Variants in MAGI1 observed in about 807,000 individuals in gnomAD.
MAGI1 encodes the protein membrane associated guanylate kinase, WW and PDZ domain containing 1, also known as membrane-associated guanylate kinase, WW and PDZ domain-containing protein 1.
In MAGI1, 58 loss-of-function variants were observed where a neutral mutation model predicts 139.9. The observed-to-expected ratio is 0.41, with a 90% confidence interval of 0.34 to 0.52. The LOEUF (loss-of-function observed/expected upper bound fraction) is 0.52, where lower values mean the gene tolerates loss of function less well. MAGI1 is among the 20% of genes least tolerant of loss of function. The pLI is 0.12. For synonymous variants in MAGI1, 812 were observed against 737.9 expected, an observed-to-expected ratio of 1.10 and a Z score of -1.63; for missense variants, 1,874 against 1,901.6, an observed-to-expected ratio of 0.99 and a Z score of 0.27.
At chr3:65,967,529 C>T (rs2064814688) in intron 1 of MAGI1, among the ~76,000 whole-genome samples, 1 of 152,176 alleles carries the variant, frequency 6.6e-6, no homozygotes. Flanking sequence ...CCAACTGGGG[C>T]CAATGGCTGA....
rs79268863 is a variant in MAGI1 at position 65,636,932 on chromosome 3, G to C, written c.314-14844C>G. 7.9e-5 allele frequency among the ~76,000 whole-genome samples: 12 copies of C among 152,250 alleles called. 1 individual carries two copies. Among genetic ancestry groups the C allele is most frequent in the South Asian group, 4.1e-4 (2 of 4,822 alleles). On this transcript the variant is annotated intron_variant, in intron 1 of 22. Transcript: ENST00000402939. ...CAAATCTTATCCCCTCAGCACAAAG[G>C]CTTCAATATACACAAGGTTAAGCCC...
rs543838855 is a variant in MAGI1 at position 65,811,218 on chromosome 3, G to C, written c.314-189130C>G. The stretch of plus-strand genomic sequence containing the variant: ...ATCTTGGCTCTTCAACATTTGAAGA[G>C]CACCTATTGTGATAGCAACGTCTTA... On this transcript the variant is annotated intron_variant, in intron 1 of 22. Transcript: ENST00000402939. Among the ~76,000 whole-genome samples, 18 of 152,300 alleles carry C rather than the reference G, an allele frequency of 1.2e-4. No homozygotes were observed. In the East Asian group the frequency reaches 3.5e-3, roughly 29 times the overall value.
intron 4 of MAGI1, among the ~76,000 whole-genome samples, chr3:65,476,306 T>C (rs1385701577): frequency 6.6e-6 from 1 of 152,172 alleles, no homozygotes; most frequent in Non-Finnish European, 1.5e-5. Flanking sequence ...TTTTCCTCAG[T>C]GCACCCTATT....
At chr3:65,518,757 G>A (rs916894198) in intron 2 of MAGI1, among the ~76,000 whole-genome samples, 2 of 140,202 alleles carry the variant, frequency 1.4e-5, no homozygotes, top group African/African-American at 5.0e-5. Context: ...TGTTGAAGAC[G>A]GTAGATGCAG....
At chr3:65,806,632 C>G (rs1429171569) in intron 1 of MAGI1, among the ~76,000 whole-genome samples, 1 of 152,192 alleles carries the variant, frequency 6.6e-6, no homozygotes, top group African/African-American at 2.4e-5. Context: ...CCCAATCATT[C>G]ATTGCTCAGT....
intron 2 of MAGI1, among the ~76,000 whole-genome samples, chr3:65,531,164 A>T (rs1239499392): frequency 6.6e-6 from 1 of 152,024 alleles, no homozygotes; most frequent in Non-Finnish European, 1.5e-5. Context: ...GACACAAAAA[A>T]AAAATCTGAA....
At chr3:65,785,927 T>C (rs1453599302) in intron 1 of MAGI1, among the ~76,000 whole-genome samples, 1 of 151,846 alleles carries the variant, frequency 6.6e-6, no homozygotes, top group Non-Finnish European at 1.5e-5. Flanking sequence ...ATTCCTGCTG[T>C]CATCTTAACT....
At chr3:65,904,482 C>T (rs909158343) in intron 1 of MAGI1, among the ~76,000 whole-genome samples, 1 of 152,220 alleles carries the variant, frequency 6.6e-6, no homozygotes, top group Non-Finnish European at 1.5e-5. Flanking sequence ...GCCTTCAGGG[C>T]CCTGCGGCCC....
At chr3:65,517,308 C>T (rs1488660576) in intron 2 of MAGI1, among the ~76,000 whole-genome samples, 4 of 152,156 alleles carry the variant, frequency 2.6e-5, no homozygotes, top group Non-Finnish European at 5.9e-5. Flanking sequence ...TCCAATGTCA[C>T]CTTCTTGGTA....
intron 1 of MAGI1, among the ~76,000 whole-genome samples, chr3:65,809,994 T>C (rs2041120094): frequency 6.6e-6 from 1 of 151,688 alleles, no homozygotes; most frequent in African/African-American, 2.4e-5. Flanking sequence ...TCTCTCTCCC[T>C]CTCTCTCACA....
chr3:65,991,581 T>G (rs982798632), intron 1 of MAGI1, among the ~76,000 whole-genome samples: 1 of 152,204 alleles, frequency 6.6e-6, no homozygotes, highest in African/African-American at 2.4e-5. Flanking sequence ...CCTGGCCTGT[T>G]TCTGATGCAA....
intron 1 of MAGI1, among the ~76,000 whole-genome samples, chr3:66,019,435 T>A (rs1157209080): frequency 6.6e-6 from 1 of 152,188 alleles, no homozygotes; most frequent in African/African-American, 2.4e-5. Context: ...AAAGGCAACA[T>A]TACCTCAGTT....
chr3:65,897,597 C>T lies in MAGI1; in HGVS notation c.313+140399G>A, dbSNP rs78938148. Among the ~76,000 whole-genome samples, 66 of 139,550 alleles carry T rather than the reference C, an allele frequency of 4.7e-4. 1 individual carries two copies. The highest frequency in any genetic ancestry group is 1.6e-3 in the African/African-American group (65 of 40,466). The allele number at this position is 139,550 out of a possible 152,430, so 91.6% of individuals were successfully genotyped here. On this transcript the variant is annotated intron_variant, in intron 1 of 22. Transcript: ENST00000402939. ...AAACCTGCATGTTGTGCACATGTACCCCTATGTAACAAACCTGCATGTTGT... is the reference window on the plus strand; with the variant it reads ...AAACCTGCATGTTGTGCACATGTACTCCTATGTAACAAACCTGCATGTTGT...
At chr3:65,584,214 A>G (rs1343014137) in intron 2 of MAGI1, among the ~76,000 whole-genome samples, 1 of 152,078 alleles carries the variant, frequency 6.6e-6, no homozygotes, top group South Asian at 2.1e-4. Context: ...CAGCTGACTC[A>G]GCAGAGACCA....
At chr3:65,417,713 G>A (rs1264355434) in intron 12 of MAGI1, among the ~76,000 whole-genome samples, 1 of 151,976 alleles carries the variant, frequency 6.6e-6, no homozygotes, top group African/African-American at 2.4e-5. Context: ...GTGATTTGTG[G>A]GCCACAGGCA....
At position 66,023,164 on chromosome 3, in the gene MAGI1, G is replaced by C. The variant is rs1168845070; in HGVS notation, c.313+14832C>G. On this transcript the variant is annotated intron_variant, in intron 1 of 22. Transcript: ENST00000402939. ...GTTGCATCTCACATCAGAAGTTCTG[G>C]ATTACATATAGAATATCCTATCTAA... is the stretch of plus-strand genomic sequence containing the variant. Among the ~76,000 whole-genome samples, 15 of 152,088 alleles carry C rather than the reference G, an allele frequency of 9.9e-5. 1 individual carries two copies. Among genetic ancestry groups the C allele is most frequent in the African/African-American group, 2.4e-5 (1 of 41,414 alleles).
chr3:65,360,345 CT>C, intron 22 of MAGI1: 1 of 973,238 alleles, frequency 1.0e-6, no homozygotes, highest in Non-Finnish European at 1.2e-6. Flanking sequence ...TAGGGCATAG[CT>C]TCTTCTTTTT....
At chr3:65,607,026 G>C (rs750344387) in intron 2 of MAGI1, among the ~76,000 whole-genome samples, 2 of 152,068 alleles carry the variant, frequency 1.3e-5, no homozygotes, top group Non-Finnish European at 2.9e-5. Context: ...GGTTTTTAAA[G>C]CAAGCTCCAA....
chr3:65,441,260 C>A lies in MAGI1; in HGVS notation c.1137-1248G>T, dbSNP rs999794653. 5.9e-5 allele frequency among the ~76,000 whole-genome samples: 9 copies of A among 152,054 alleles called. 1 individual carries two copies. In the South Asian group the frequency reaches 1.0e-3, roughly 18 times the overall value. ...ACAGGCATGAGCCACCATGCCTGAA[C>A]TTATTTTTCTTAATTCAAAATAATA... is the stretch of plus-strand genomic sequence containing the variant. On this transcript the variant is annotated intron_variant, in intron 8 of 22. Transcript: ENST00000402939.
Sources: allele counts gnomAD v4.1 joint callset (sites outside exome capture counted in the v4.1 genomes callset), GRCh38; gene constraint gnomAD v4.1.1; transcripts MANE v1.5; gene names NCBI Gene and HGNC (gene_info 2026-07-23, HGNC 2026-07-21).